The following HSPG2 variants were observed in gnomAD, a reference collection of about 807,000 sequenced individuals.
HSPG2 encodes the protein heparan sulfate proteoglycan 2, also known as basement membrane-specific heparan sulfate proteoglycan core protein.
Under a neutral mutation model 526.6 loss-of-function variants are expected in HSPG2, and 278 were observed. That is an observed-to-expected ratio of 0.53 (90% CI 0.48 to 0.58). HSPG2 has a LOEUF of 0.58. Among genes scored for constraint, HSPG2 ranks in the 20% least tolerant of loss-of-function variants. HSPG2 has a pLI of 0.00. For synonymous variants in HSPG2, 2,465 were observed against 2,555.4 expected (o/e 0.96, Z 1.07); for missense variants, 5,354 against 6,099.5 (o/e 0.88, Z 4.07).
At chr1:21,931,079 T>A (rs1644334115) in intron 1 of HSPG2, among the ~76,000 whole-genome samples, 1 of 152,026 alleles carries the variant, frequency 6.6e-6, no homozygotes. Flanking sequence ...CAGATGAGCA[T>A]CATGGAAGGG....
rs747704697 is a variant in HSPG2, at chr1:21,865,085, G to A, written c.4396-12C>T. On this transcript the variant is annotated splice_polypyrimidine_tract_variant and intron_variant, in intron 35 of 96. Coordinates refer to ENST00000374695, the MANE Select transcript of HSPG2 (RefSeq NM_005529.7). The surrounding 1 kb of genome is among the most constrained non-coding windows in gnomAD (Gnocchi z 5.4). ...CGGCGCCAGAATTCCTGGGTTGGGG[G>A]TGGCAACGTGGGCGGGGGCAGTGGG... The A allele has an allele frequency of 3.2e-6, 5 of 1,558,196 alleles. No individual in the cohort carries two copies. The highest frequency in any genetic ancestry group is 4.3e-6 in the Non-Finnish European group (5 of 1,153,902).
At position 21,839,724 on chromosome 1, in the gene HSPG2, C is replaced by T; in HGVS notation, c.9709+98G>A. 6.9e-7 allele frequency: 1 copy of T among 1,453,318 alleles called. No individual in the cohort carries two copies. The highest frequency in any genetic ancestry group is 9.5e-7 in the Non-Finnish European group (1 of 1,055,818). 90.0% of individuals were successfully genotyped at this position (1,453,318 alleles called of 1,614,324 possible). A position where few individuals can be genotyped will look rare whatever the true frequency, so the allele number is the denominator to read the frequency against. ...AACACGGTCTCCCCGTACTCCCCACCCCTGGGCATGACATCATCTCTAGAT... is the reference window on the plus strand; with the variant it reads ...AACACGGTCTCCCCGTACTCCCCACTCCTGGGCATGACATCATCTCTAGAT... On this transcript the variant is annotated intron_variant, in intron 72 of 96. Coordinates refer to ENST00000374695, the MANE Select transcript of HSPG2 (RefSeq NM_005529.7). The surrounding 1 kb of genome is among the most constrained non-coding windows in gnomAD (Gnocchi z 4.5).
chr1:21,835,439 T>C, intron 76 of HSPG2, 101 bp downstream of exon 76: 1 of 800,588 alleles, frequency 1.2e-6, no homozygotes, highest in South Asian at 1.4e-5. Flanking sequence ...TTCTGACACA[T>C]TTAGGGGGAT....
At chr1:21,827,743 C>T (rs2097982718) in intron 91 of HSPG2, 120 bp downstream of exon 91, 2 of 1,068,916 alleles carry the variant, frequency 1.9e-6, no homozygotes, top group African/African-American at 1.6e-5. Context: ...CATTCTGTCT[C>T]TCTGCCCAGC....
chr1:21,823,627 C>T lies in HSPG2; in HGVS notation c.12992G>A (p.Ser4331Asn), dbSNP rs3736360. 0.18 allele frequency: 293,522 copies of T among 1,611,800 alleles called. 28,374 individuals carry two copies. The highest frequency in any genetic ancestry group is 0.28 in the South Asian group (25,732 of 91,032). The change falls in exon 96 of 97, where the codon AGC becomes AAC. Residue 4331 changes from serine (S) to asparagine (N), a missense_variant. By Grantham distance (46) the Ser-to-Asn change is conservative. Coordinates refer to ENST00000374695, the MANE Select transcript of HSPG2 (RefSeq NM_005529.7). ...AGCCCCAGACTTACCGATGTAGACG[C>T]TGCCCTTGGCGTTGACTGCCACGTT... Reference protein sequence around the residue: ...GPNVAVNAKGSVYIGGAPDVA... With the variant: ...GPNVAVNAKGNVYIGGAPDVA...
rs139310195 is a variant in HSPG2 at position 21,874,027 on chromosome 1, G to C, written c.3657-16C>G. 606 of 1,588,214 alleles carry C rather than the reference G, an allele frequency of 3.8e-4. 6 individuals carry two copies. The African/African-American group carries it at 6.7e-3, about 18-fold the overall frequency. On this transcript the variant is annotated splice_polypyrimidine_tract_variant and intron_variant, in intron 28 of 96. Transcript: ENST00000374695. The stretch of plus-strand genomic sequence containing the variant: ...GTGGGCAGCCCTGAGTGTGGGGGCA[G>C]ATTTCTAGTCAGGAACGCAGTGGCT...
At chr1:21,868,667 TCAGGGGC>T (rs1640420870) in intron 33 of HSPG2, among the ~76,000 whole-genome samples, 3 of 149,746 alleles carry the variant, frequency 2.0e-5, no homozygotes, top group Non-Finnish European at 4.4e-5. Flanking sequence ...CTGACAGGGG[TCAGGGGC>T]CAGGGGTCAG....
Position 21,846,476 on chromosome 1 carries a change from C to G in HSPG2, c.8288G>C (p.Arg2763Pro). ...ATGGTGACTGGGGAGGCTGCCCCCA[C>G]GCTTGTGCCAAGTGACCTGGGCATG... is the stretch of plus-strand genomic sequence containing the variant. ...QAHAQVTWHK[R>P]GGSLPSHHQT... Residue 2763 changes from arginine (R) to proline (P), a missense_variant, in exon 63 of 97, where the codon CGT becomes CCT. By Grantham distance (103) the Arg-to-Pro change is moderately radical. Coordinates refer to ENST00000374695, the MANE Select transcript of HSPG2 (RefSeq NM_005529.7). 2 of 1,613,672 alleles carry G rather than the reference C, an allele frequency of 1.2e-6. No homozygotes were observed. Among genetic ancestry groups the G allele is most frequent in the Non-Finnish European group, 1.7e-6 (2 of 1,180,048 alleles).
rs371570424 is a variant in HSPG2 at position 21,841,598 on chromosome 1, C to T, written c.9269G>A (p.Arg3090His). Residue 3090 changes from arginine to histidine, a missense_variant, in exon 70 of 97, where the codon CGC becomes CAC. Arg to His is a conservative substitution (Grantham distance 29, BLOSUM62 0). Transcript: ENST00000374695. ...ACCGTAGGCATTGGAGGCCACGCAG[C>T]GGTAGGTACCGTGGTTGCTGGGCCG... is the stretch of plus-strand genomic sequence containing the variant. ...GTRPSNHGTY[R>H]CVASNAYGVA... The T allele has an allele frequency of 5.3e-5, 85 of 1,614,064 alleles. No homozygotes were observed. The highest frequency in any genetic ancestry group is 3.3e-4 in the African/African-American group (25 of 74,944).
chr1:21,914,443 C>T (rs1025149990), intron 1 of HSPG2, among the ~76,000 whole-genome samples: 1 of 152,142 alleles, frequency 6.6e-6, no homozygotes, highest in Non-Finnish European at 1.5e-5. Context: ...TTATCTAACC[C>T]CCATGACTGC....
At position 21,880,739 on chromosome 1, in the gene HSPG2, C is replaced by G; in HGVS notation, c.1915G>C (p.Gly639Arg). ...CGGGAGAGGAGGCGGTACCCGGCAC[C>G]CATGAGGACCACGTCCGGCCGCTGC... ...PVQRPDVVLM[G>R]AGYRLLSRGH... Residue 639 changes from glycine to arginine, a missense_variant, in exon 15 of 97, where the codon GGT becomes CGT. Physicochemically the swap from Gly to Arg is moderately radical, Grantham distance 125. Transcript: ENST00000374695. 1 of 1,601,344 alleles carries G rather than the reference C, an allele frequency of 6.2e-7. No individual in the cohort carries two copies. The highest frequency in any genetic ancestry group is 1.7e-5 in the Admixed American group (1 of 58,112).
Position 21,842,246 on chromosome 1 carries a change from A to G in HSPG2, c.9045T>C (p.Ser3015=), listed in dbSNP as rs760625913. ...FTVTVPPSEG[S]SYRLRSPVIS... is the part of the protein sequence containing the mutation. ...GGCATCTGCCATACTCACGGTAGGA[A>G]GACCCCTCACTGGGCGGGACGGTGA... Residue 3015 remains serine (S), a synonymous_variant, in exon 68 of 97, where the codon TCT becomes TCC. Transcript: ENST00000374695. The G allele has an allele frequency of 1.2e-6, 2 of 1,613,610 alleles. No individual in the cohort carries two copies. The highest frequency in any genetic ancestry group is 1.7e-6 in the Non-Finnish European group (2 of 1,179,880).
chr1:21,879,157 A>G, intron 17 of HSPG2, 36 bp from the exon 18 acceptor site: 1 of 1,613,784 alleles, frequency 6.2e-7, no homozygotes. Flanking sequence ...CAACTTCTAG[A>G]GCAGAACTGG....
At chr1:21,875,070 A>C (rs115778726) in intron 25 of HSPG2, 68 bp from the exon 26 acceptor site, 3 of 1,148,746 alleles carry the variant, frequency 2.6e-6, no homozygotes, top group Non-Finnish European at 3.8e-6. Context: ...GGAGTCCTCC[A>C]CTGGCAGGGT....
At chr1:21,882,417 ACAC>A (rs1557778251) in intron 13 of HSPG2, among the ~76,000 whole-genome samples, 2 of 151,374 alleles carry the variant, frequency 1.3e-5, no homozygotes, top group Admixed American at 6.6e-5. Context: ...ACACACACAC[ACAC>A]ACACACACAC....
chr1:21,828,280 C>A lies in HSPG2; in HGVS notation c.12384G>T (p.Gln4128His). ...TCMPAGEYEFQCLCRDGFKGD... is the reference protein window; with the variant it reads ...TCMPAGEYEFHCLCRDGFKGD... ...CTTTGAATCCATCTCGACACAGGCA[C>A]TGGAACTCATACTCGCCAGCGGGCA... Residue 4128 changes from glutamine (Q) to histidine (H), a missense_variant, in exon 89 of 97, where the codon CAG becomes CAT. Transcript: ENST00000374695. This position sits in a 1 kb window ranked among gnomAD's most constrained non-coding sequence, Gnocchi z 6.0. 6.2e-7 allele frequency: 1 copy of A among 1,613,772 alleles called. No individual in the cohort carries two copies. The highest frequency in any genetic ancestry group is 8.5e-7 in the Non-Finnish European group (1 of 1,180,032).
intron 39 of HSPG2, among the ~76,000 whole-genome samples, chr1:21,860,641 G>A (rs772652481): frequency 5.9e-5 from 9 of 151,992 alleles, no homozygotes; most frequent in East Asian, 1.9e-4. Context: ...GCAGGGGTGC[G>A]CCACCACACC....
chr1:21,919,890 T>C (rs1459686413), intron 1 of HSPG2, among the ~76,000 whole-genome samples: 4 of 152,156 alleles, frequency 2.6e-5, no homozygotes, highest in African/African-American at 9.6e-5. Flanking sequence ...CTATAAGAAA[T>C]TCTCCTAAGG....
At position 21,846,109 on chromosome 1, in the gene HSPG2, G is replaced by A. The variant is rs770531584; in HGVS notation, c.8463C>T (p.Pro2821=). The A allele has an allele frequency of 8.1e-6, 13 of 1,612,348 alleles. No individual in the cohort carries two copies. Among genetic ancestry groups the A allele is most frequent in the Middle Eastern group, 1.8e-4 (1 of 5,484 alleles). ...CCGTCCCACTGCAGGGACCCTCACCGGGGACGTGGACAGCACTTGAGCCAG... is the reference window on the plus strand; with the variant it reads ...CCGTCCCACTGCAGGGACCCTCACCAGGGACGTGGACAGCACTTGAGCCAG... The part of the protein sequence containing the change: ...EASGSSAVHV[P]APGGAPPIRI... The change falls in exon 64 of 97, where the codon CCC becomes CCT. Residue 2821 remains proline, a splice_region_variant and synonymous_variant. Coordinates refer to ENST00000374695, the MANE Select transcript of HSPG2 (RefSeq NM_005529.7).
Sources: gnomAD v4.1 joint callset for allele counts (sites outside exome capture counted in the v4.1 genomes callset) on GRCh38, gnomAD v4.1.1 for gene constraint, Gnocchi (gnomAD v3.1) non-coding constraint, MANE v1.5 for transcripts, NCBI Gene and HGNC (gene_info 2026-07-23, HGNC 2026-07-21) for gene names.